SEMA5A: variants seen among roughly 807,000 people sequenced by gnomAD.
The protein encoded by SEMA5A is semaphorin-5A.
SEMA5A carries 55 observed loss-of-function variants against 135.5 expected under a neutral mutation model. The ratio of observed to expected loss-of-function variants is 0.41; its 90% confidence interval spans 0.33 to 0.51. SEMA5A has a LOEUF of 0.51. Among genes scored for constraint, SEMA5A ranks in the 20% least tolerant of loss-of-function variants. The pLI, the probability that SEMA5A is intolerant of heterozygous loss-of-function variation, is 0.37. For missense variants in SEMA5A, 1,290 were observed against 1,419.9 expected (o/e 0.91, Z 1.47); for synonymous variants, 580 against 546.5 (o/e 1.06, Z -0.85).
At chr5:9,230,717 T>C (rs1191810791) in intron 6 of SEMA5A, among the ~76,000 whole-genome samples, 2 of 152,028 alleles carry the variant, frequency 1.3e-5, no homozygotes, top group Non-Finnish European at 2.9e-5. Flanking sequence ...CCCAGCCCTA[T>C]GGAACCCAGA....
At chr5:9,421,348 T>G (rs1757460948) in intron 2 of SEMA5A, among the ~76,000 whole-genome samples, 1 of 152,334 alleles carries the variant, frequency 6.6e-6, no homozygotes, top group South Asian at 2.1e-4. Flanking sequence ...ATAACTGACA[T>G]ATAATCTATA....
At chr5:9,365,645 C>T (rs1754884676) in intron 3 of SEMA5A, among the ~76,000 whole-genome samples, 1 of 152,150 alleles carries the variant, frequency 6.6e-6, no homozygotes, top group African/African-American at 2.4e-5. Context: ...TGGTTTTTTT[C>T]CATTCTCCCT....
intron 11 of SEMA5A, among the ~76,000 whole-genome samples, chr5:9,172,872 C>T (rs895079662): frequency 1.3e-5 from 2 of 152,188 alleles, no homozygotes; most frequent in African/African-American, 4.8e-5. Flanking sequence ...TAACAAGATT[C>T]ACTATACTCA....
chr5:9,527,322 C>G (rs928294945), intron 1 of SEMA5A, among the ~76,000 whole-genome samples: 1 of 152,182 alleles, frequency 6.6e-6, no homozygotes, highest in Non-Finnish European at 1.5e-5. Flanking sequence ...CAGTCCAGAG[C>G]CTGGAGGAGG....
rs16881967 is a variant in SEMA5A at position 9,097,926 on chromosome 5, T to C, written c.2073+10214A>G. On this transcript the variant is annotated intron_variant, in intron 16 of 22. Coordinates refer to ENST00000382496, the MANE Select transcript of SEMA5A (RefSeq NM_003966.3). The stretch of plus-strand genomic sequence containing the variant: ...GGACAACATCAGTACATCACTTAAG[T>C]TGGCTGGATAGCCAAATCTCTTTTT... Among the ~76,000 whole-genome samples, 1,291 of 152,270 alleles carry C rather than the reference T, an allele frequency of 8.5e-3. 13 individuals are homozygous for C. The highest frequency in any genetic ancestry group is 0.029 in the African/African-American group (1,213 of 41,528).
intron 2 of SEMA5A, among the ~76,000 whole-genome samples, chr5:9,412,804 G>A (rs1250037952): frequency 6.6e-6 from 1 of 152,044 alleles, no homozygotes; most frequent in Non-Finnish European, 1.5e-5. Flanking sequence ...ATGAGATCAG[G>A]TGTAGAATTT....
intron 16 of SEMA5A, among the ~76,000 whole-genome samples, chr5:9,105,444 T>C (rs1739860813): frequency 6.6e-6 from 1 of 152,244 alleles, no homozygotes; most frequent in Non-Finnish European, 1.5e-5. Context: ...ACTGCTATAA[T>C]AATCAGGAAA....
At chr5:9,169,993 T>C (rs1402202514) in intron 11 of SEMA5A, among the ~76,000 whole-genome samples, 2 of 152,236 alleles carry the variant, frequency 1.3e-5, no homozygotes, top group Non-Finnish European at 2.9e-5. Flanking sequence ...CTGATTTCCT[T>C]CACCCGAGGG....
intron 4 of SEMA5A, among the ~76,000 whole-genome samples, chr5:9,324,865 T>C (rs1312510300): frequency 5.9e-5 from 9 of 152,210 alleles, no homozygotes; most frequent in African/African-American, 2.2e-4. Flanking sequence ...GAAGGAATAA[T>C]GCTTCTGGCC....
At chr5:9,477,118 T>A (rs1399327685) in intron 1 of SEMA5A, among the ~76,000 whole-genome samples, 1 of 151,192 alleles carries the variant, frequency 6.6e-6, no homozygotes, top group Non-Finnish European at 1.5e-5. Flanking sequence ...TCTCATTCTC[T>A]CTCTCTCTCT....
chr5:9,307,204 C>A (rs1751911626), intron 5 of SEMA5A, among the ~76,000 whole-genome samples: 1 of 152,098 alleles, frequency 6.6e-6, no homozygotes, highest in Non-Finnish European at 1.5e-5. Flanking sequence ...TGGCAATAGC[C>A]CCCACAACAG....
chr5:9,237,534 TA>T (rs1443486901), intron 6 of SEMA5A, among the ~76,000 whole-genome samples: 1 of 152,198 alleles, frequency 6.6e-6, no homozygotes, highest in Non-Finnish European at 1.5e-5. Flanking sequence ...TTCAGGCCCA[TA>T]TTTTTTCCAG....
rs905038538 is a variant in SEMA5A at position 9,375,955 on chromosome 5, A to G, written c.124+3868T>C. On this transcript the variant is annotated intron_variant, in intron 3 of 22. Transcript: ENST00000382496. Reference sequence around the variant, plus strand: ...ATCTGCTTTCTCTTCTTGATTCTATATGGAATCAACAGCCAAGAATGTGGG... The same window carrying G: ...ATCTGCTTTCTCTTCTTGATTCTATGTGGAATCAACAGCCAAGAATGTGGG... 2.0e-5 allele frequency among the ~76,000 whole-genome samples: 3 copies of G among 151,966 alleles called. 1 individual carries two copies. Among genetic ancestry groups the G allele is most frequent in the South Asian group, 4.2e-4 (2 of 4,800 alleles).
chr5:9,186,445 C>A (rs1415753550), intron 11 of SEMA5A, among the ~76,000 whole-genome samples: 1 of 152,098 alleles, frequency 6.6e-6, no homozygotes, highest in Non-Finnish European at 1.5e-5. Flanking sequence ...CATGTAAAAT[C>A]AAAGTAAAAG....
At chr5:9,397,342 T>G (rs574693953) in intron 2 of SEMA5A, among the ~76,000 whole-genome samples, 1 of 152,238 alleles carries the variant, frequency 6.6e-6, no homozygotes, top group Non-Finnish European at 1.5e-5. Flanking sequence ...AGTGCCAGGT[T>G]GCAAATTCCA....
intron 16 of SEMA5A, among the ~76,000 whole-genome samples, chr5:9,087,391 G>C (rs1738757024): frequency 6.6e-6 from 1 of 152,058 alleles, no homozygotes; most frequent in Non-Finnish European, 1.5e-5. Context: ...ATCCAAATCA[G>C]TGTTTAAAGA....
chr5:9,214,437 T>C (rs1360754709), intron 8 of SEMA5A, among the ~76,000 whole-genome samples: 1 of 152,140 alleles, frequency 6.6e-6, no homozygotes, highest in Non-Finnish European at 1.5e-5. Flanking sequence ...ATATAACCAA[T>C]AATGCTGTTG....
intron 5 of SEMA5A, among the ~76,000 whole-genome samples, chr5:9,312,114 G>C (rs1343661271): frequency 6.6e-6 from 1 of 151,952 alleles, no homozygotes; most frequent in East Asian, 1.9e-4. Context: ...ATCCCAGATG[G>C]GCAAATGCTG....
chr5:9,517,561 A>G (rs1736596913), intron 1 of SEMA5A: 1 of 152,196 alleles, frequency 6.6e-6, no homozygotes, highest in Non-Finnish European at 1.5e-5. Context: ...CAAAGAAGTT[A>G]CCTGTTGTAG....
Sources: gnomAD v4.1 joint callset for allele counts (sites outside exome capture counted in the v4.1 genomes callset) on GRCh38, gnomAD v4.1.1 for gene constraint, MANE v1.5 for transcripts, NCBI Gene and HGNC (gene_info 2026-07-23, HGNC 2026-07-21) for gene names.